CD96: variants seen among roughly 807,000 people sequenced by gnomAD.
CD96 encodes T-cell surface protein tactile.
A neutral mutation model predicts 71.3 loss-of-function variants in CD96; 70 were observed. That is an observed-to-expected ratio of 0.98 (90% CI 0.81 to 1.20). The LOEUF (loss-of-function observed/expected upper bound fraction) is 1.20. Among genes scored for constraint, CD96 ranks in the 50% most tolerant of loss-of-function variants. CD96 has a pLI of 0.00. For missense variants in CD96, 742 were observed against 677.5 expected (o/e 1.10, Z -1.06); for synonymous variants, 248 against 233.0 (o/e 1.06, Z -0.59).
intron 8 of CD96, among the ~76,000 whole-genome samples, chr3:111,609,104 G>A (rs999905581): frequency 6.6e-6 from 1 of 151,888 alleles, no homozygotes; most frequent in Non-Finnish European, 1.5e-5. Context: ...TGACTCAGTG[G>A]AGAGCTCGAA....
chr3:111,647,333 T>C (rs1285245936), intron 12 of CD96, among the ~76,000 whole-genome samples: 1 of 152,126 alleles, frequency 6.6e-6, no homozygotes, highest in Non-Finnish European at 1.5e-5. Context: ...TGCTTATATA[T>C]ATCCACAGAA....
intron 8 of CD96, among the ~76,000 whole-genome samples, chr3:111,611,376 G>A (rs904387092): frequency 4.6e-5 from 7 of 152,128 alleles, no homozygotes; most frequent in Non-Finnish European, 1.0e-4. Flanking sequence ...AAATGGTGGG[G>A]GATCAACCCA....
rs1421173872 is a variant in CD96, at chr3:111,558,167, C to A, written c.419-9356C>A. On this transcript the variant is annotated intron_variant, in intron 2 of 13. Transcript: ENST00000352690. Reference sequence around the variant, plus strand: ...TCGTCTGCAAACAGGGACAATTTGACTTCCTCTTTTCCTAATTGAATACCC... The same window carrying A: ...TCGTCTGCAAACAGGGACAATTTGAATTCCTCTTTTCCTAATTGAATACCC... Among the ~76,000 whole-genome samples the A allele has an allele frequency of 3.7e-5, 4 of 108,600 alleles. No individual in the cohort carries two copies. In the South Asian group the frequency reaches 1.5e-3, roughly 40 times the overall value. The allele number at this position is 108,600 out of a possible 152,430, so 71.2% of individuals were successfully genotyped here.
chr3:111,608,645 A>T (rs1490944809), intron 8 of CD96, among the ~76,000 whole-genome samples: 2 of 152,338 alleles, frequency 1.3e-5, no homozygotes, highest in East Asian at 3.9e-4. Flanking sequence ...AGTTCTCACC[A>T]CATTAGACAC....
At chr3:111,570,705 A>G (rs1935938653) in intron 3 of CD96, 1 of 1,612,176 alleles carries the variant, frequency 6.2e-7, no homozygotes, top group South Asian at 1.1e-5. Context: ...GCTGTAGGAC[A>G]GAGCATCATA....
chr3:111,571,922 T>G (rs1415584815), intron 3 of CD96, among the ~76,000 whole-genome samples: 1 of 152,080 alleles, frequency 6.6e-6, no homozygotes, highest in African/African-American at 2.4e-5. Context: ...ACAAACTGCC[T>G]GACAGTTCAT....
At chr3:111,563,968 C>A (rs921673568) in intron 2 of CD96, among the ~76,000 whole-genome samples, 23 of 152,104 alleles carry the variant, frequency 1.5e-4, no homozygotes, top group African/African-American at 4.8e-4. Flanking sequence ...ATCTTTGGCT[C>A]ACATTTTCTT....
In CD96 at chr3:111,567,433, T is replaced by C. The variant is rs530355737; in HGVS notation, c.419-90T>C. ...TGTACCCTGAGGACAGATGAATCCC[T>C]ATACTAAAACTGTTTTTGTCTCTTT... On this transcript the variant is annotated intron_variant, in intron 2 of 13. Transcript: ENST00000352690. 2.4e-5 allele frequency: 25 copies of C among 1,031,816 alleles called. No individual in the cohort carries two copies. The South Asian group carries it at 3.2e-4, about 13-fold the overall frequency. The allele number at this position is 1,031,816 out of a possible 1,614,324, so 63.9% of individuals were successfully genotyped here.
chr3:111,570,595 G>T (rs1935932511), intron 3 of CD96: 2 of 1,531,690 alleles, frequency 1.3e-6, no homozygotes, highest in Admixed American at 3.5e-5. Flanking sequence ...AAAGCTAAGG[G>T]ATCAACAGGT....
intron 5 of CD96, among the ~76,000 whole-genome samples, chr3:111,586,263 A>G (rs1463626210): frequency 2.6e-5 from 4 of 152,196 alleles, no homozygotes; most frequent in African/African-American, 9.7e-5. Flanking sequence ...TAATTCTCTA[A>G]CATTTTCTAT....
chr3:111,594,488 A>C, intron 5 of CD96: 3 of 342,604 alleles, frequency 8.8e-6, no homozygotes, highest in Admixed American at 4.4e-5. Context: ...GACAAAACAT[A>C]TCAGTTCCTG....
chr3:111,556,310 C>G (rs1314033872), intron 2 of CD96, among the ~76,000 whole-genome samples: 1 of 146,328 alleles, frequency 6.8e-6, no homozygotes, highest in Non-Finnish European at 1.5e-5. Flanking sequence ...CCCACTAACT[C>G]GTCATCTAGC....
chr3:111,559,143 C>A (rs1165934676), intron 2 of CD96, among the ~76,000 whole-genome samples: 1 of 150,568 alleles, frequency 6.6e-6, no homozygotes, highest in Non-Finnish European at 1.5e-5. Context: ...TTTTGTTGAT[C>A]CTTTCAAAAA....
At chr3:111,618,535 A>ATTTTTAAT (rs1938358498) in intron 8 of CD96, among the ~76,000 whole-genome samples, 1 of 151,508 alleles carries the variant, frequency 6.6e-6, no homozygotes, top group Non-Finnish European at 1.5e-5. Flanking sequence ...TTTATATGTA[A>ATTTTTAAT]TTTTTAATTC....
chr3:111,545,157 G>A lies in CD96; in HGVS notation c.173G>A (p.Trp58Ter), dbSNP rs764132767. Residue 58 changes from tryptophan to a stop codon, truncating the protein, a stop_gained, in exon 2 of 14, where the codon TGG becomes TAG. Coordinates refer to ENST00000352690, the MANE Select transcript of CD96 (RefSeq NM_005816.5). LOFTEE classifies it high-confidence loss of function. ...GTAGGCTTCTTCGTGCAGATGCAAT[G>A]GTCCAAGGTCACCAATAAGATAGAC... is the stretch of plus-strand genomic sequence containing the variant. ...QTVGFFVQMQ[W>*]SKVTNKIDLI... The A allele has an allele frequency of 5.0e-6, 8 of 1,614,136 alleles. No individual in the cohort carries two copies. The highest frequency in any genetic ancestry group is 6.8e-6 in the Non-Finnish European group (8 of 1,180,006).
rs1940015063 is a variant in CD96, at chr3:111,650,228, C to T, written c.*422C>T. The T allele has an allele frequency of 5.2e-6, 1 of 191,026 alleles. No individual in the cohort carries two copies. The highest frequency in any genetic ancestry group is 2.3e-5 in the African/African-American group (1 of 43,268). 11.8% of individuals were successfully genotyped at this position (191,026 alleles called of 1,614,324 possible). ...AAAATCCTGGGGCTTTGCTGCATTCCCTAAGATAATTACAGGAAAAAGAAA... is the reference window on the plus strand; with the variant it reads ...AAAATCCTGGGGCTTTGCTGCATTCTCTAAGATAATTACAGGAAAAAGAAA... On this transcript the variant is annotated 3_prime_UTR_variant, in exon 14 of 14. Transcript: ENST00000352690.
At position 111,619,087 on chromosome 3, in the gene CD96, C is replaced by G. The variant is rs1219840529; in HGVS notation, c.1181-4667C>G. 2.0e-5 allele frequency among the ~76,000 whole-genome samples: 3 copies of G among 152,148 alleles called. No homozygotes were observed. In the East Asian group the frequency reaches 5.8e-4, roughly 29 times the overall value. ...TTTCCTTTCTCTAGCAGTTAGGTCACTAGGAAGACTGGCAAGAGTATAGGT... is the reference window on the plus strand; with the variant it reads ...TTTCCTTTCTCTAGCAGTTAGGTCAGTAGGAAGACTGGCAAGAGTATAGGT... On this transcript the variant is annotated intron_variant, in intron 8 of 13. Transcript: ENST00000352690.
At chr3:111,580,328 A>G (rs1936408090) in intron 4 of CD96, among the ~76,000 whole-genome samples, 1 of 152,220 alleles carries the variant, frequency 6.6e-6, no homozygotes, top group South Asian at 2.1e-4. Flanking sequence ...AAGTACCACT[A>G]ATTAATAAAC....
chr3:111,645,096 A>G (rs1939766275), intron 12 of CD96, among the ~76,000 whole-genome samples: 1 of 152,114 alleles, frequency 6.6e-6, no homozygotes, highest in Non-Finnish European at 1.5e-5. Flanking sequence ...CAATTACAAA[A>G]TCGTGGAACC....
Sources: allele counts gnomAD v4.1 joint callset (sites outside exome capture counted in the v4.1 genomes callset), GRCh38; gene constraint gnomAD v4.1.1; transcripts MANE v1.5; gene names NCBI Gene and HGNC (gene_info 2026-07-23, HGNC 2026-07-21).